Variants in MECOM observed in about 807,000 individuals in gnomAD.
MECOM encodes the protein MDS1 and EVI1 complex locus, also known as histone-lysine N-methyltransferase MECOM.
A neutral mutation model predicts 116.3 loss-of-function variants in MECOM; 13 were observed. The ratio of observed to expected loss-of-function variants is 0.11; its 90% CI spans 0.07 to 0.18. The LOEUF (loss-of-function observed/expected upper bound fraction) is 0.18. MECOM is among the 10% of genes least tolerant of loss of function. The pLI is 1.00. For missense variants in MECOM, 1,299 were observed against 1,509.0 expected, an observed-to-expected ratio of 0.86 and a Z score of 2.31; for synonymous variants, 528 against 535.2, an observed-to-expected ratio of 0.99 and a Z score of 0.19.
At chr3:169,277,170 T>C (rs1373726939) in intron 2 of MECOM, among the ~76,000 whole-genome samples, 1 of 152,180 alleles carries the variant, frequency 6.6e-6, no homozygotes, top group Admixed American at 6.5e-5. Context: ...ATGTATATTA[T>C]ATCTGCCTCA....
intron 1 of MECOM, among the ~76,000 whole-genome samples, chr3:169,627,204 C>T (rs1339663040): frequency 3.3e-5 from 5 of 152,160 alleles, no homozygotes; most frequent in East Asian, 1.9e-4. Flanking sequence ...CAGGTGTACA[C>T]GGCCCAGCAA....
chr3:169,543,072 C>A (rs2109243184), intron 1 of MECOM, among the ~76,000 whole-genome samples: 1 of 152,142 alleles, frequency 6.6e-6, no homozygotes, highest in South Asian at 2.1e-4. Flanking sequence ...TTACGAATAC[C>A]AAAATGTGCA....
At chr3:169,158,471 G>A (rs1227938708) in intron 2 of MECOM, among the ~76,000 whole-genome samples, 2 of 152,054 alleles carry the variant, frequency 1.3e-5, no homozygotes, top group Non-Finnish European at 2.9e-5. Context: ...AGCATGAGAC[G>A]GAAACACGAA....
At chr3:169,539,405 T>C (rs536809115) in intron 1 of MECOM, among the ~76,000 whole-genome samples, 1 of 152,310 alleles carries the variant, frequency 6.6e-6, no homozygotes, top group Admixed American at 6.5e-5. Flanking sequence ...ACCTCTGCCT[T>C]ATGTTTTAGA....
At chr3:169,330,629 A>G (rs1722565964) in intron 2 of MECOM, among the ~76,000 whole-genome samples, 1 of 152,140 alleles carries the variant, frequency 6.6e-6, no homozygotes, top group Non-Finnish European at 1.5e-5. Context: ...TTGCATGGAC[A>G]TCTGAAATGG....
intron 1 of MECOM, among the ~76,000 whole-genome samples, chr3:169,561,385 T>C (rs1762615978): frequency 6.6e-6 from 1 of 152,154 alleles, no homozygotes; most frequent in Middle Eastern, 3.2e-3. Context: ...TTTCATATGA[T>C]GAAATATTAT....
intron 14 of MECOM, among the ~76,000 whole-genome samples, chr3:169,092,529 T>C (rs1720073915): frequency 6.6e-6 from 1 of 152,054 alleles, no homozygotes; most frequent in South Asian, 2.1e-4. Flanking sequence ...GTAGCCACTA[T>C]TGATCAGTGA....
chr3:169,429,748 C>T (rs932403317), intron 1 of MECOM, among the ~76,000 whole-genome samples: 1 of 152,172 alleles, frequency 6.6e-6, no homozygotes, highest in African/African-American at 2.4e-5. Flanking sequence ...ACTAATCCCT[C>T]TTAGTCTCCA....
intron 2 of MECOM, among the ~76,000 whole-genome samples, chr3:169,151,650 A>G (rs772851075): frequency 2.6e-5 from 4 of 152,230 alleles, no homozygotes; most frequent in Non-Finnish European, 5.9e-5. Flanking sequence ...TGGCTGAACA[A>G]TAAGTGCCTG....
intron 1 of MECOM, among the ~76,000 whole-genome samples, chr3:169,449,861 T>C (rs1252196857): frequency 6.6e-6 from 1 of 152,194 alleles, no homozygotes; most frequent in Non-Finnish European, 1.5e-5. Context: ...ACAAAGCAGG[T>C]GTAAACTTGG....
At chr3:169,092,069 T>C (rs569819938) in intron 14 of MECOM, among the ~76,000 whole-genome samples, 3 of 152,194 alleles carry the variant, frequency 2.0e-5, no homozygotes, top group Middle Eastern at 6.8e-3. Context: ...TTAAATCCAG[T>C]AGTTTTGGTG....
At chr3:169,149,536 A>T (rs1358303129) in intron 2 of MECOM, 2 of 282,786 alleles carry the variant, frequency 7.1e-6, no homozygotes, top group African/African-American at 4.5e-5. Context: ...GGCTCCAGCC[A>T]CCCAGGTGAA....
intron 1 of MECOM, among the ~76,000 whole-genome samples, chr3:169,605,906 C>T (rs1768474229): frequency 6.6e-6 from 1 of 151,988 alleles, no homozygotes; most frequent in Non-Finnish European, 1.5e-5. Context: ...TTTATTTATA[C>T]CTCTGAATCT....
At chr3:169,117,919 A>C (rs3901869) in intron 7 of MECOM, among the ~76,000 whole-genome samples, 4,052 of 152,204 alleles carry the variant, frequency 0.027, 56 homozygotes, top group South Asian at 0.068. Flanking sequence ...GTGTGAGCTT[A>C]TTTTAACACT....
rs140427548 is a variant in MECOM at position 169,128,909 on chromosome 3, C to T, written c.614-849G>A. Among the ~76,000 whole-genome samples the T allele has an allele frequency of 2.1e-3, 327 of 152,282 alleles. 1 individual carries two copies. Among genetic ancestry groups the T allele is most frequent in the South Asian group, 0.016 (77 of 4,826 alleles). Reference sequence around the variant, plus strand: ...AGCTTTCAGCCCACTCATAAAGCCACACTCCGCACAGATCACACAGATACA... The same window carrying T: ...AGCTTTCAGCCCACTCATAAAGCCATACTCCGCACAGATCACACAGATACA... On this transcript the variant is annotated intron_variant, in intron 4 of 16. Coordinates refer to ENST00000651503, the MANE Select transcript of MECOM (RefSeq NM_004991.4).
intron 7 of MECOM, among the ~76,000 whole-genome samples, chr3:169,117,421 A>G (rs1729525424): frequency 1.3e-5 from 2 of 152,224 alleles, no homozygotes; most frequent in South Asian, 4.1e-4. Flanking sequence ...TAAGCCTGCA[A>G]AGGAAACTAA....
intron 2 of MECOM, among the ~76,000 whole-genome samples, chr3:169,331,876 T>A (rs1384980310): frequency 6.6e-6 from 1 of 152,070 alleles, no homozygotes; most frequent in Non-Finnish European, 1.5e-5. Flanking sequence ...GGCTTTTGAT[T>A]CTTCTTCTGA....
At chr3:169,142,550 C>T (rs1028297732) in intron 3 of MECOM, among the ~76,000 whole-genome samples, 2 of 151,776 alleles carry the variant, frequency 1.3e-5, no homozygotes, top group African/African-American at 4.8e-5. Flanking sequence ...GTCAATAATT[C>T]CTCTTGTTTT....
chr3:169,352,574 A>G (rs1449430291), intron 2 of MECOM, among the ~76,000 whole-genome samples: 1 of 151,932 alleles, frequency 6.6e-6, no homozygotes, highest in Non-Finnish European at 1.5e-5. Context: ...GGTAGCAGAA[A>G]AACCAAACCA....
Sources: gnomAD v4.1 joint callset for allele counts (sites outside exome capture counted in the v4.1 genomes callset) on GRCh38, gnomAD v4.1.1 for gene constraint, MANE v1.5 for transcripts, NCBI Gene and HGNC (gene_info 2026-07-23, HGNC 2026-07-21) for gene names.